Variants in GRAMD1C observed in about 807,000 individuals in gnomAD.
GRAMD1C encodes the protein protein Aster-C.
A neutral mutation model predicts 97.8 loss-of-function variants in GRAMD1C; 89 were observed. The observed-to-expected ratio is 0.91, with a 90% CI of 0.77 to 1.09. The LOEUF is 1.09. GRAMD1C is among the 50% of genes least tolerant of loss of function. The pLI, the probability that GRAMD1C is intolerant of heterozygous loss-of-function variation, is 0.00. For missense variants in GRAMD1C, 740 were observed against 766.4 expected, an observed-to-expected ratio of 0.97 and a Z score of 0.41; for synonymous variants, 256 against 267.0, an observed-to-expected ratio of 0.96 and a Z score of 0.40.
At chr3:113,908,822 G>A in intron 8 of GRAMD1C, 136 bp from the exon 9 acceptor site, 2 of 548,482 alleles carry the variant, frequency 3.6e-6, no homozygotes, top group Admixed American at 3.9e-5. Flanking sequence ...GAAATGTGAT[G>A]CAAGTATAAC....
At chr3:113,863,114 G>A (rs61344324) in intron 2 of GRAMD1C, among the ~76,000 whole-genome samples, 44,488 of 151,898 alleles carry the variant, frequency 0.29, 7,789 homozygotes, top group Non-Finnish European at 0.38. Context: ...AAATATGTTC[G>A]CATAAACATT....
At chr3:113,942,587 C>T (rs764841396) in intron 17 of GRAMD1C, among the ~76,000 whole-genome samples, 120 of 151,982 alleles carry the variant, frequency 7.9e-4, no homozygotes, top group Non-Finnish European at 4.1e-4. Context: ...AGGAGCTGAG[C>T]GGAAGAGGGA....
chr3:113,895,975 T>A (rs1446748722), intron 6 of GRAMD1C, among the ~76,000 whole-genome samples: 1 of 152,232 alleles, frequency 6.6e-6, no homozygotes, highest in Non-Finnish European at 1.5e-5. Context: ...ATCATAATTC[T>A]GAACTTGTTA....
chr3:113,859,854 C>CA (rs1934294825), intron 2 of GRAMD1C, among the ~76,000 whole-genome samples: 1 of 151,968 alleles, frequency 6.6e-6, no homozygotes, highest in East Asian at 1.9e-4. Context: ...AAAACTCTTT[C>CA]AAAAAAACAG....
chr3:113,853,643 T>A (rs1934000029), intron 2 of GRAMD1C, among the ~76,000 whole-genome samples: 1 of 152,218 alleles, frequency 6.6e-6, no homozygotes, highest in Non-Finnish European at 1.5e-5. Context: ...GAGAATGTTC[T>A]AAGTGAACAG....
chr3:113,907,813 T>C (rs1396132587), intron 8 of GRAMD1C, among the ~76,000 whole-genome samples: 3 of 152,126 alleles, frequency 2.0e-5, no homozygotes, highest in African/African-American at 7.2e-5. Flanking sequence ...TAGTAGGAAA[T>C]AGAACTTAAT....
intron 1 of GRAMD1C, among the ~76,000 whole-genome samples, chr3:113,840,614 G>A (rs913939841): frequency 1.5e-4 from 23 of 152,114 alleles, no homozygotes; most frequent in Non-Finnish European, 2.2e-4. Flanking sequence ...AATTAACTGG[G>A]CATGGTTGTG....
Position 113,936,286 on chromosome 3 carries a change from G to T in GRAMD1C, c.1477G>T (p.Glu493Ter). Residue 493 changes from glutamate (E) to a stop codon, truncating the protein, a stop_gained, in exon 14 of 18, where the codon GAA becomes TAA. Coordinates refer to ENST00000358160, the MANE Select transcript of GRAMD1C (RefSeq NM_017577.5). LOFTEE classifies it high-confidence loss of function. ...KQLESDLLIEESVLNQAIEDP... is the reference protein window; with the variant it reads ...KQLESDLLIE Reference sequence around the variant, plus strand: ...CTTAGAATCAGATTTGTTAATTGAAGAATCTGTATTAAATCAGGCCATTGA... The same window carrying T: ...CTTAGAATCAGATTTGTTAATTGAATAATCTGTATTAAATCAGGCCATTGA... 6.3e-7 allele frequency: 1 copy of T among 1,575,326 alleles called. No individual in the cohort carries two copies. The highest frequency in any genetic ancestry group is 1.7e-4 in the Middle Eastern group (1 of 5,898).
At chr3:113,851,448 C>A (rs1933899264) in intron 2 of GRAMD1C, among the ~76,000 whole-genome samples, 1 of 151,496 alleles carries the variant, frequency 6.6e-6, no homozygotes, top group Non-Finnish European at 1.5e-5. Flanking sequence ...CAAATAATAA[C>A]TAGTATACTT....
intron 6 of GRAMD1C, among the ~76,000 whole-genome samples, chr3:113,895,020 G>T (rs1935881951): frequency 6.6e-6 from 1 of 152,182 alleles, no homozygotes; most frequent in Non-Finnish European, 1.5e-5. Context: ...ATATCGGTCT[G>T]AAGAGGACTT....
chr3:113,882,171 T>C (rs562450034), intron 5 of GRAMD1C, among the ~76,000 whole-genome samples: 10 of 152,306 alleles, frequency 6.6e-5, no homozygotes, highest in African/African-American at 2.4e-4. Flanking sequence ...TGTAGAATTA[T>C]AGATTGAAAC....
rs767634240 is a variant in GRAMD1C at position 113,909,015 on chromosome 3, A to C, written c.847A>C (p.Thr283Pro). 6 of 1,579,178 alleles carry C rather than the reference A, an allele frequency of 3.8e-6. No homozygotes were observed. The highest frequency in any genetic ancestry group is 4.3e-6 in the Non-Finnish European group (5 of 1,164,454). The change falls in exon 9 of 18, where the codon ACT (threonine) becomes CCT (proline). Residue 283 changes from threonine to proline, a missense_variant. Physicochemically the swap from Thr to Pro is conservative, Grantham distance 38. Coordinates refer to ENST00000358160, the MANE Select transcript of GRAMD1C (RefSeq NM_017577.5). ...EKQTKKSLLP[T>P]LEKKLTRVPS... Reference sequence around the variant, plus strand: ...ACAGACCAAAAAGAGTCTCTTACCAACTTTGGAAAAGAAGTTAACTAGAGT... The same window carrying C: ...ACAGACCAAAAAGAGTCTCTTACCACCTTTGGAAAAGAAGTTAACTAGAGT...
chr3:113,923,012 A>G (rs1019903214), intron 10 of GRAMD1C, among the ~76,000 whole-genome samples: 1 of 150,560 alleles, frequency 6.6e-6, no homozygotes, highest in Admixed American at 6.6e-5. Flanking sequence ...ATTTCTGGGT[A>G]TTTTACTTTT....
Position 113,946,180 on chromosome 3 carries a change from T to C in GRAMD1C, c.*702T>C, listed in dbSNP as rs1938066217. The C allele has an allele frequency of 6.6e-6, 1 of 152,620 alleles. No individual in the cohort carries two copies. Among genetic ancestry groups the C allele is most frequent in the African/African-American group, 2.4e-5 (1 of 41,460 alleles). The allele number at this position is 152,620 out of a possible 1,614,324, so 9.5% of individuals were successfully genotyped here. Reference sequence around the variant, plus strand: ...TACCAACAGTCAAAAGGAAGAACCATCCTCTGAGTTTTAAAAACCAGAAGG... The same window carrying C: ...TACCAACAGTCAAAAGGAAGAACCACCCTCTGAGTTTTAAAAACCAGAAGG... On this transcript the variant is annotated 3_prime_UTR_variant, in exon 18 of 18. Transcript: ENST00000358160.
chr3:113,913,086 A>C, intron 9 of GRAMD1C: 2 of 1,276,210 alleles, frequency 1.6e-6, no homozygotes, highest in Non-Finnish European at 2.0e-6. Context: ...GCAGCTGGGC[A>C]TGGATTAGTC....
chr3:113,934,641 G>A (rs1937542697), intron 13 of GRAMD1C, 106 bp downstream of exon 13: 1 of 601,812 alleles, frequency 1.7e-6, no homozygotes, highest in Admixed American at 3.1e-5. Context: ...CAATGATGTT[G>A]GAAAGACTCC....
intron 7 of GRAMD1C, 71 bp downstream of exon 7, chr3:113,901,217 C>A: frequency 1.2e-6 from 1 of 820,928 alleles, no homozygotes; most frequent in Non-Finnish European, 2.1e-6. Context: ...TTACATTCGA[C>A]TAATTCTGAA....
chr3:113,897,899 TATGA>T, intron 6 of GRAMD1C: 1 of 218,648 alleles, frequency 4.6e-6, no homozygotes, highest in Non-Finnish European at 7.8e-6. Flanking sequence ...TTGAAAGAAT[TATGA>T]ATATCAGGCT....
At chr3:113,904,678 A>G (rs896986815) in intron 8 of GRAMD1C, among the ~76,000 whole-genome samples, 1 of 151,366 alleles carries the variant, frequency 6.6e-6, no homozygotes, top group Admixed American at 6.6e-5. Context: ...TTTTGAAGGG[A>G]GAGATGAGCC....
Sources: gnomAD v4.1 joint callset for allele counts (sites outside exome capture counted in the v4.1 genomes callset) on GRCh38, gnomAD v4.1.1 for gene constraint, MANE v1.5 for transcripts, NCBI Gene and HGNC (gene_info 2026-07-23, HGNC 2026-07-21) for gene names.